Variants in TMEFF2 observed in about 807,000 individuals in gnomAD.
TMEFF2 encodes the protein tomoregulin-2.
In TMEFF2, 28 loss-of-function variants were observed where a neutral mutation model predicts 53.8. That is an observed-to-expected ratio of 0.52 (90% CI 0.39 to 0.71). The LOEUF is 0.71. TMEFF2 is among the 30% of genes least tolerant of loss of function. The probability of loss-of-function intolerance (pLI) is 0.00; values close to 1 mark genes in which losing one functional copy is unlikely to be tolerated. For synonymous variants in TMEFF2, 162 were observed against 166.3 expected, an observed-to-expected ratio of 0.97 and a Z score of 0.20; for missense variants, 353 against 455.2, an observed-to-expected ratio of 0.78 and a Z score of 2.04.
At chr2:192,054,940 A>G (rs1463706508) in intron 5 of TMEFF2, among the ~76,000 whole-genome samples, 4 of 152,330 alleles carry the variant, frequency 2.6e-5, no homozygotes, top group Admixed American at 6.5e-5. Flanking sequence ...TAAACAACCA[A>G]TAATTTTCAG....
intron 4 of TMEFF2, among the ~76,000 whole-genome samples, chr2:192,127,754 G>A (rs956509983): frequency 1.1e-4 from 17 of 152,144 alleles, no homozygotes; most frequent in African/African-American, 2.7e-4. Context: ...TCAATAAGTC[G>A]TGACAATTTT....
At chr2:192,039,878 G>C (rs1318949641) in intron 5 of TMEFF2, among the ~76,000 whole-genome samples, 2 of 152,070 alleles carry the variant, frequency 1.3e-5, no homozygotes, top group African/African-American at 2.4e-5. Context: ...AAGGAATACA[G>C]TGGCCATGTA....
At chr2:192,124,554 G>A (rs1689631932) in intron 4 of TMEFF2, among the ~76,000 whole-genome samples, 1 of 152,110 alleles carries the variant, frequency 6.6e-6, no homozygotes, top group Non-Finnish European at 1.5e-5. Flanking sequence ...AGGAATATCT[G>A]GATCCCCTAT....
At chr2:191,978,829 T>A (rs1173085788) in intron 7 of TMEFF2, among the ~76,000 whole-genome samples, 2 of 152,104 alleles carry the variant, frequency 1.3e-5, no homozygotes, top group African/African-American at 4.8e-5. Context: ...TTTATTAAGA[T>A]TTTTTTCTTC....
chr2:191,981,158 T>G (rs1685843600), intron 7 of TMEFF2, among the ~76,000 whole-genome samples: 1 of 152,126 alleles, frequency 6.6e-6, no homozygotes, highest in Admixed American at 6.6e-5. Flanking sequence ...AATTTTAACT[T>G]CTATTGCAAA....
rs1691841553 is a variant in TMEFF2, at chr2:191,950,479, T to TAAAGATGTGGATTAAGC, written c.1029-89_1029-73dup. ...AAAGTTTGGCCCTACAATCACAGAA[T>TAAAGATGTGGATTAAGC]AAAGATGTGGATTAAGCAAATTATT... On this transcript the variant is annotated intron_variant, in intron 9 of 9. Transcript: ENST00000272771. 3.1e-6 allele frequency: 5 copies of TAAAGATGTGGATTAAGC among 1,588,852 alleles called. No homozygotes were observed. In the African/African-American group the frequency reaches 6.7e-5, roughly 21 times the overall value.
At chr2:192,119,118 G>A (rs984329499) in intron 4 of TMEFF2, among the ~76,000 whole-genome samples, 1 of 152,090 alleles carries the variant, frequency 6.6e-6, no homozygotes, top group African/African-American at 2.4e-5. Flanking sequence ...GGCTTTGTGG[G>A]CCAAGGGGCA....
At chr2:192,171,555 C>G (rs2106024183) in intron 4 of TMEFF2, among the ~76,000 whole-genome samples, 1 of 152,088 alleles carries the variant, frequency 6.6e-6, no homozygotes, top group East Asian at 1.9e-4. Flanking sequence ...CACTCCCACT[C>G]TTTTTCCACA....
At chr2:191,954,863 A>G (rs2105785800) in intron 8 of TMEFF2, among the ~76,000 whole-genome samples, 1 of 152,304 alleles carries the variant, frequency 6.6e-6, no homozygotes, top group South Asian at 2.1e-4. Context: ...AAATGAGAAA[A>G]TAGCTCATAA....
At chr2:192,056,366 G>A (rs1005752667) in intron 5 of TMEFF2, among the ~76,000 whole-genome samples, 3 of 151,860 alleles carry the variant, frequency 2.0e-5, no homozygotes, top group African/African-American at 7.2e-5. Flanking sequence ...GGAGGGAAAG[G>A]AGGAGGAGGA....
intron 4 of TMEFF2, among the ~76,000 whole-genome samples, chr2:192,114,581 C>G (rs572809019): frequency 6.6e-6 from 1 of 151,746 alleles, no homozygotes; most frequent in African/African-American, 2.4e-5. Flanking sequence ...AACTAATGAG[C>G]AAATTCACTA....
intron 4 of TMEFF2, among the ~76,000 whole-genome samples, chr2:192,137,315 G>C (rs1690033998): frequency 6.6e-6 from 1 of 152,132 alleles, no homozygotes; most frequent in Non-Finnish European, 1.5e-5. Context: ...TGAAAGGATG[G>C]AAGAGAATGA....
chr2:192,171,273 A>G (rs957497542), intron 4 of TMEFF2, among the ~76,000 whole-genome samples: 1 of 152,110 alleles, frequency 6.6e-6, no homozygotes, highest in African/African-American at 2.4e-5. Context: ...TGAGTAGCAG[A>G]GTGAATGTCT....
At chr2:192,148,786 G>T (rs1440456334) in intron 4 of TMEFF2, among the ~76,000 whole-genome samples, 1 of 152,046 alleles carries the variant, frequency 6.6e-6, no homozygotes, top group Non-Finnish European at 1.5e-5. Context: ...CACTGCATTT[G>T]TCTAGACTTT....
intron 7 of TMEFF2, among the ~76,000 whole-genome samples, chr2:191,956,777 A>T (rs1692113001): frequency 6.6e-6 from 1 of 152,218 alleles, no homozygotes; most frequent in South Asian, 2.1e-4. Flanking sequence ...TAATACCTTG[A>T]TACTTTCGCA....
chr2:192,066,070 A>G (rs572482139), intron 4 of TMEFF2, among the ~76,000 whole-genome samples: 99 of 151,840 alleles, frequency 6.5e-4, no homozygotes, highest in African/African-American at 2.2e-3. Flanking sequence ...AGAAACCCCA[A>G]TATGACTTTA....
At chr2:192,134,408 C>T (rs1006045988) in intron 4 of TMEFF2, among the ~76,000 whole-genome samples, 5 of 152,162 alleles carry the variant, frequency 3.3e-5, no homozygotes, top group Admixed American at 6.5e-5. Flanking sequence ...ATGGCAGTTC[C>T]ACCAGGCCTA....
At chr2:192,150,394 C>T (rs1690356364) in intron 4 of TMEFF2, among the ~76,000 whole-genome samples, 2 of 151,852 alleles carry the variant, frequency 1.3e-5, no homozygotes, top group Non-Finnish European at 2.9e-5. Flanking sequence ...GATCTACAAT[C>T]TTGGAGAAAC....
At chr2:192,050,889 A>G (rs1311610983) in intron 5 of TMEFF2, among the ~76,000 whole-genome samples, 1 of 152,210 alleles carries the variant, frequency 6.6e-6, no homozygotes, top group East Asian at 1.9e-4. Context: ...AAAACTATCA[A>G]CATTTTCCCC....
Sources: allele counts gnomAD v4.1 joint callset (sites outside exome capture counted in the v4.1 genomes callset), GRCh38; gene constraint gnomAD v4.1.1; transcripts MANE v1.5; gene names NCBI Gene and HGNC (gene_info 2026-07-23, HGNC 2026-07-21).